The following SBNO2 variants were observed in gnomAD, a reference collection of about 807,000 sequenced individuals.
SBNO2 encodes protein strawberry notch homolog 2.
In SBNO2, 89 loss-of-function variants were observed where a neutral mutation model predicts 146.3. The observed-to-expected ratio is 0.61, with a 90% CI of 0.51 to 0.73. The LOEUF (loss-of-function observed/expected upper bound fraction) is 0.73, where lower values mean the gene tolerates loss of function less well. SBNO2 is among the 30% of genes least tolerant of loss of function. The probability of loss-of-function intolerance (pLI) is 0.00; values close to 1 mark genes in which losing one functional copy is unlikely to be tolerated. For missense variants in SBNO2, 2,092 were observed against 2,003.7 expected, an observed-to-expected ratio of 1.04 and a Z score of -0.84; for synonymous variants, 1,147 against 892.6, an observed-to-expected ratio of 1.29 and a Z score of -5.08.
At chr19:1,120,607 G>C (rs1203786879) in intron 11 of SBNO2, among the ~76,000 whole-genome samples, 1 of 152,154 alleles carries the variant, frequency 6.6e-6, no homozygotes, top group Non-Finnish European at 1.5e-5. Context: ...CTGACCTCAA[G>C]TGACCTGCCT....
intron 17 of SBNO2, 168 bp downstream of exon 17, chr19:1,115,853 C>T (rs534644590): frequency 1.5e-4 from 99 of 675,656 alleles, no homozygotes; most frequent in Middle Eastern, 4.8e-4. Context: ...GCAGGGTCCA[C>T]GCAAGACCTG....
chr19:1,122,914 C>A lies in SBNO2; in HGVS notation c.760G>T (p.Ala254Ser). The part of the protein sequence containing the change: ...SGALSALQLE[A>S]ITYACQQHEV... Reference sequence around the variant, plus strand: ...GTCACCTGGCAGGCGTAGGTGATGGCCTCTAGCTGCAGGGCAGACAGGGCC... The same window carrying A: ...GTCACCTGGCAGGCGTAGGTGATGGACTCTAGCTGCAGGGCAGACAGGGCC... The change falls in exon 8 of 32, where the codon GCC (alanine) becomes TCC (serine). Residue 254 changes from alanine (A) to serine (S), a missense_variant. By Grantham distance (99) the Ala-to-Ser change is moderately conservative. Transcript: ENST00000361757. 6.4e-7 allele frequency: 1 copy of A among 1,552,950 alleles called. No individual in the cohort carries two copies. Among genetic ancestry groups the A allele is most frequent in the Non-Finnish European group, 8.7e-7 (1 of 1,149,142 alleles).
chr19:1,144,137 C>A lies in SBNO2; in HGVS notation c.279+3172G>T, dbSNP rs911036926. ...CCACAGGCCTGGGCTGACTCATACC[C>A]GTCCCGTCCCACACTTGGCACCGCG... On this transcript the variant is annotated intron_variant, in intron 4 of 31. Coordinates refer to ENST00000361757, the MANE Select transcript of SBNO2 (RefSeq NM_014963.3). This position sits in a 1 kb window ranked among gnomAD's most constrained non-coding sequence, Gnocchi z 4.1. 2.0e-5 allele frequency among the ~76,000 whole-genome samples: 3 copies of A among 151,672 alleles called. No homozygotes were observed. The highest frequency in any genetic ancestry group is 4.8e-5 in the African/African-American group (2 of 41,240).
chr19:1,117,712 C>A (rs978145497), intron 14 of SBNO2, among the ~76,000 whole-genome samples: 2 of 152,272 alleles, frequency 1.3e-5, no homozygotes, highest in Non-Finnish European at 2.9e-5. Context: ...GTGGGGAAGC[C>A]GTGCTGCAAA....
intron 4 of SBNO2, among the ~76,000 whole-genome samples, chr19:1,145,078 GAC>G (rs1452709559): frequency 6.6e-6 from 1 of 151,762 alleles, no homozygotes; most frequent in Non-Finnish European, 1.5e-5. Context: ...GGGAGGCAGA[GAC>G]AGAGAGGGAG....
chr19:1,116,998 C>G lies in SBNO2; in HGVS notation c.1705-72G>C. 3 of 1,397,168 alleles carry G rather than the reference C, an allele frequency of 2.1e-6. No homozygotes were observed. In the African/African-American group the frequency reaches 4.3e-5, roughly 20 times the overall value. 86.5% of individuals were successfully genotyped at this position (1,397,168 alleles called of 1,614,324 possible). A position where few individuals can be genotyped will look rare whatever the true frequency, so the allele number is the denominator to read the frequency against. On this transcript the variant is annotated intron_variant, in intron 15 of 31. Transcript: ENST00000361757. ...CTCTGTGGGGCCAGAACCTGCCAGG[C>G]CTGGGGTGATGGCCACATCCCTCAC...
At chr19:1,160,826 G>C (rs1010265612) in intron 1 of SBNO2, among the ~76,000 whole-genome samples, 1 of 152,030 alleles carries the variant, frequency 6.6e-6, no homozygotes, top group Non-Finnish European at 1.5e-5. Flanking sequence ...CACCAGGCCC[G>C]GCCCGAATGG....
At position 1,116,089 on chromosome 19, in the gene SBNO2, G is replaced by A. The variant is rs1441605884; in HGVS notation, c.1817C>T (p.Ser606Leu). Reference protein sequence around the residue: ...FVSAAEGVFLSLIQKHFPSTK... With the variant: ...FVSAAEGVFLLLIQKHFPSTK... ...GGACGGAAAGTGCTTCTGAATTAGC[G>A]ACAGGAACACGCCTCTGAAAGTGAG... is the stretch of plus-strand genomic sequence containing the variant. Residue 606 changes from serine (S) to leucine (L), a missense_variant, in exon 17 of 32, where the codon TCG (serine) becomes TTG (leucine). Physicochemically the swap from Ser to Leu is moderately radical, Grantham distance 145. Coordinates refer to ENST00000361757, the MANE Select transcript of SBNO2 (RefSeq NM_014963.3). The A allele has an allele frequency of 4.3e-6, 7 of 1,610,568 alleles. No individual in the cohort carries two copies. Among genetic ancestry groups the A allele is most frequent in the Non-Finnish European group, 5.9e-6 (7 of 1,178,814 alleles).
chr19:1,143,724 C>T (rs1180085871), intron 4 of SBNO2, among the ~76,000 whole-genome samples: 1 of 152,148 alleles, frequency 6.6e-6, no homozygotes, highest in Admixed American at 6.5e-5. Context: ...CGCCTCCTCT[C>T]ATGAGGGCCC....
intron 11 of SBNO2, among the ~76,000 whole-genome samples, chr19:1,121,664 C>T (rs1444311790): frequency 6.6e-6 from 1 of 152,210 alleles, no homozygotes; most frequent in African/African-American, 2.4e-5. Context: ...CGACGAGAGC[C>T]CTGGGATGCT....
chr19:1,120,832 G>A (rs1381175259), intron 11 of SBNO2, among the ~76,000 whole-genome samples: 1 of 146,702 alleles, frequency 6.8e-6, no homozygotes, highest in Non-Finnish European at 1.5e-5. Context: ...CCACGCCCGG[G>A]TAATTTTTGT....
intron 2 of SBNO2, among the ~76,000 whole-genome samples, chr19:1,153,922 A>G (rs1317108374): frequency 6.6e-6 from 1 of 152,234 alleles, no homozygotes; most frequent in African/African-American, 2.4e-5. Context: ...AGGAACTGGA[A>G]GCTCTGCAGC....
intron 15 of SBNO2, 99 bp downstream of exon 15, chr19:1,117,224 C>T: frequency 7.9e-7 from 1 of 1,259,880 alleles, no homozygotes; most frequent in Non-Finnish European, 1.1e-6. Flanking sequence ...GCAGCCCCCG[C>T]CCACGTCTGG....
At position 1,107,975 on chromosome 19, in the gene SBNO2, G is replaced by T. The variant is rs1393789904; in HGVS notation, c.*245C>A. 2 of 314,064 alleles carry T rather than the reference G, an allele frequency of 6.4e-6. No individual in the cohort carries two copies. Among genetic ancestry groups the T allele is most frequent in the South Asian group, 1.3e-4 (2 of 15,898 alleles). The allele number at this position is 314,064 out of a possible 1,614,324, so 19.5% of individuals were successfully genotyped here. ...TGCCCAGTCCCAGAGCAGCCACCCGGAGCCCCTTCCTACTTGGGAGGAGAG... is the reference window on the plus strand; with the variant it reads ...TGCCCAGTCCCAGAGCAGCCACCCGTAGCCCCTTCCTACTTGGGAGGAGAG... On this transcript the variant is annotated 3_prime_UTR_variant, in exon 32 of 32. Coordinates refer to ENST00000361757, the MANE Select transcript of SBNO2 (RefSeq NM_014963.3).
intron 6 of SBNO2, 28 bp from the exon 7 acceptor site, chr19:1,123,667 G>A: frequency 6.3e-7 from 1 of 1,593,272 alleles, no homozygotes; most frequent in South Asian, 1.1e-5. Context: ...GCTCAGCGGA[G>A]ACTGCAGGCC....
At chr19:1,148,499 C>G (rs2080215604) in intron 3 of SBNO2, among the ~76,000 whole-genome samples, 1 of 137,696 alleles carries the variant, frequency 7.3e-6, no homozygotes, top group East Asian at 2.1e-4. Context: ...CCCAGAAAAC[C>G]TCCCGCCCCT....
intron 7 of SBNO2, 45 bp from the exon 8 acceptor site, chr19:1,123,090 G>A (rs1269458324): frequency 6.4e-7 from 1 of 1,572,672 alleles, no homozygotes; most frequent in East Asian, 2.3e-5. Context: ...TATGGCCAAG[G>A]GGTGACCAGG....
chr19:1,172,321 C>T (rs929055397), intron 1 of SBNO2, among the ~76,000 whole-genome samples: 1 of 152,322 alleles, frequency 6.6e-6, no homozygotes, highest in East Asian at 1.9e-4. Context: ...ATCTCAAATT[C>T]GCCCTTTCTC....
intron 2 of SBNO2, among the ~76,000 whole-genome samples, chr19:1,153,641 A>G (rs2013209): frequency 0.98 from 149,468 of 152,134 alleles, 73,434 homozygotes; most frequent in East Asian, 1. Context: ...AGATTTAAGC[A>G]ATTCTCCTGC....
Sources: allele counts gnomAD v4.1 joint callset (sites outside exome capture counted in the v4.1 genomes callset), GRCh38; gene constraint gnomAD v4.1.1; non-coding constraint Gnocchi (gnomAD v3.1); transcripts MANE v1.5; gene names NCBI Gene and HGNC (gene_info 2026-07-23, HGNC 2026-07-21).